The following PLA2G5 variants were observed in gnomAD, a reference collection of about 807,000 sequenced individuals.
PLA2G5 encodes the protein Ca2+-dependent phospholipase A2.
A neutral mutation model predicts 15.9 loss-of-function variants in PLA2G5; 12 were observed. The ratio of observed to expected loss-of-function variants is 0.76; its 90% CI spans 0.48 to 1.23. PLA2G5 has a LOEUF of 1.23. Ranked by LOEUF, PLA2G5 falls within the 50% of genes most tolerant of loss-of-function variation. The pLI is 0.00. For synonymous variants in PLA2G5, 71 were observed against 71.4 expected (o/e 0.99, Z 0.03); for missense variants, 169 against 177.1 (o/e 0.95, Z 0.26).
chr1:20,082,562 G>A (rs1290422203), intron 1 of PLA2G5, among the ~76,000 whole-genome samples: 1 of 151,892 alleles, frequency 6.6e-6, no homozygotes, highest in Non-Finnish European at 1.5e-5. Flanking sequence ...TTTCCCTGGT[G>A]CTGGCTGTGA....
chr1:20,054,539 T>C (rs921810516), intron 1 of PLA2G5, among the ~76,000 whole-genome samples: 1 of 152,180 alleles, frequency 6.6e-6, no homozygotes, highest in African/African-American at 2.4e-5. Flanking sequence ...TATAAAGAGA[T>C]GGAGATCATT....
chr1:20,090,277 C>A (rs1423449370), intron 4 of PLA2G5, among the ~76,000 whole-genome samples: 1 of 152,142 alleles, frequency 6.6e-6, no homozygotes, highest in Non-Finnish European at 1.5e-5. Context: ...AATGAGAGTT[C>A]CTCCAGAGCA....
intron 1 of PLA2G5, chr1:20,077,008 G>A (rs1404988574): frequency 2.6e-5 from 4 of 152,266 alleles, no homozygotes; most frequent in African/African-American, 9.6e-5. Context: ...ACCCTTGGCA[G>A]GGCTTTAGCC....
Position 20,073,913 on chromosome 1 carries a change from T to C in PLA2G5, c.-11+3448T>C, listed in dbSNP as rs2015524561. 2.6e-5 allele frequency among the ~76,000 whole-genome samples: 4 copies of C among 151,556 alleles called. No individual in the cohort carries two copies. The South Asian group carries it at 6.3e-4, about 24-fold the overall frequency. On this transcript the variant is annotated intron_variant, in intron 1 of 4. Transcript: ENST00000375108. ...CATTAGGCCCTCTGCTACCTGCTAA[T>C]AATATAACAAAGAACAAGATGAACA...
At position 20,042,315 on chromosome 1, in the gene PLA2G5, G is replaced by A. The variant is rs567628273; in HGVS notation, n.276+13606G>A. ...CAAGTGTGATCAGGGTGAGGAACAG[G>A]AAAGAAGGAAATATGGGGAAATGGA... On this transcript the variant is annotated intron_variant and non_coding_transcript_variant, in intron 1 of 6. Coordinates refer to the PLA2G5 transcript ENST00000460175. Among the ~76,000 whole-genome samples the A allele has an allele frequency of 1.7e-3, 263 of 152,304 alleles. 2 individuals are homozygous for A. The highest frequency in any genetic ancestry group is 3.0e-3 in the Non-Finnish European group (203 of 68,038).
intron 1 of PLA2G5, among the ~76,000 whole-genome samples, chr1:20,038,219 T>G (rs1231529977): frequency 1.3e-5 from 2 of 152,148 alleles, no homozygotes; most frequent in Non-Finnish European, 1.5e-5. Context: ...TGCCCTTCCC[T>G]GACTGCGGTG....
At chr1:20,052,084 C>G (rs560334760) in intron 1 of PLA2G5, among the ~76,000 whole-genome samples, 7 of 151,216 alleles carry the variant, frequency 4.6e-5, no homozygotes, top group Non-Finnish European at 8.8e-5. Context: ...GCAAATCAGT[C>G]CTACCATGAT....
intron 2 of PLA2G5, among the ~76,000 whole-genome samples, chr1:20,062,045 C>T (rs1320426089): frequency 6.6e-6 from 1 of 152,236 alleles, no homozygotes; most frequent in Non-Finnish European, 1.5e-5. Context: ...GCTTGTTCCT[C>T]TTTTCTCCAT....
chr1:20,033,053 T>C (rs562911096), intron 1 of PLA2G5, among the ~76,000 whole-genome samples: 116 of 152,330 alleles, frequency 7.6e-4, no homozygotes, highest in African/African-American at 2.6e-3. Flanking sequence ...GGATATGGTA[T>C]GCATATTTGG....
At chr1:20,050,914 T>C (rs749707435) in intron 1 of PLA2G5, among the ~76,000 whole-genome samples, 6 of 152,184 alleles carry the variant, frequency 3.9e-5, no homozygotes, top group Non-Finnish European at 8.8e-5. Context: ...TTTTGCTTAT[T>C]TGTATAAAAA....
At chr1:20,085,987 C>A in intron 2 of PLA2G5, 96 bp from the exon 3 acceptor site, 2 of 1,307,358 alleles carry the variant, frequency 1.5e-6, no homozygotes, top group Non-Finnish European at 2.2e-6. Context: ...TCCCTCCAAG[C>A]CCTGGGTGGG....
chr1:20,058,443 C>T (rs1288024319), intron 1 of PLA2G5, among the ~76,000 whole-genome samples: 1 of 152,206 alleles, frequency 6.6e-6, no homozygotes, highest in East Asian at 1.9e-4. Flanking sequence ...AACATAGCTA[C>T]TCCAGCTTTC....
intron 1 of PLA2G5, among the ~76,000 whole-genome samples, chr1:20,038,606 G>T (rs2100318528): frequency 6.6e-6 from 1 of 152,158 alleles, no homozygotes; most frequent in East Asian, 1.9e-4. Context: ...AACATAACAA[G>T]ACCCCATCTC....
Position 20,089,818 on chromosome 1 carries a change from G to T in PLA2G5, c.215G>T (p.Gly72Val). The part of the protein sequence containing the change: ...WCCWAHDHCY[G>V]RLEEKGCNIR... ...TGTTGGGCGCATGACCACTGCTATGGGCGGCTGGAGGAGAAGGGCTGCAAC... is the reference window on the plus strand; with the variant it reads ...TGTTGGGCGCATGACCACTGCTATGTGCGGCTGGAGGAGAAGGGCTGCAAC... The change falls in exon 4 of 5, where the codon GGG becomes GTG. Residue 72 changes from glycine (G) to valine (V), a missense_variant. Transcript: ENST00000375108. 6.2e-7 allele frequency: 1 copy of T among 1,614,166 alleles called. No homozygotes were observed. Among genetic ancestry groups the T allele is most frequent in the Non-Finnish European group, 8.5e-7 (1 of 1,179,996 alleles).
rs1250324764 is a variant in PLA2G5, at chr1:20,091,719, G to A, written c.*1027G>A. On this transcript the variant is annotated 3_prime_UTR_variant, in exon 5 of 5. Transcript: ENST00000375108. ...CCGTCTATCAATTCATAAAAGAAAGGATGTTCTGATACCAAGACTGAAAGA... is the reference window on the plus strand; with the variant it reads ...CCGTCTATCAATTCATAAAAGAAAGAATGTTCTGATACCAAGACTGAAAGA... Among the ~76,000 whole-genome samples the A allele has an allele frequency of 3.3e-5, 5 of 151,876 alleles. No homozygotes were observed. Among genetic ancestry groups the A allele is most frequent in the African/African-American group, 1.2e-4 (5 of 41,330 alleles).
intron 1 of PLA2G5, among the ~76,000 whole-genome samples, chr1:20,083,421 G>A (rs895091533): frequency 1.6e-4 from 25 of 151,948 alleles, no homozygotes; most frequent in African/African-American, 4.8e-4. Flanking sequence ...ACAAGCGACC[G>A]TTCAACTCAG....
At chr1:20,054,078 G>A (rs1220681912) in intron 1 of PLA2G5, among the ~76,000 whole-genome samples, 1 of 148,640 alleles carries the variant, frequency 6.7e-6, no homozygotes, top group Non-Finnish European at 1.5e-5. Context: ...CCTCCACTTG[G>A]TCCTCCTCCA....
chr1:20,072,353 G>A (rs2015422727), intron 1 of PLA2G5, among the ~76,000 whole-genome samples: 1 of 152,172 alleles, frequency 6.6e-6, no homozygotes, highest in African/African-American at 2.4e-5. Flanking sequence ...CCAGTGTCTA[G>A]AACAGTGCCT....
intron 2 of PLA2G5, among the ~76,000 whole-genome samples, chr1:20,063,863 C>T (rs987920168): frequency 6.6e-6 from 1 of 152,194 alleles, no homozygotes; most frequent in African/African-American, 2.4e-5. Context: ...CTGTCCAGTG[C>T]AACCACCTTC....
Sources: gnomAD v4.1 joint callset for allele counts (sites outside exome capture counted in the v4.1 genomes callset) on GRCh38, gnomAD v4.1.1 for gene constraint, MANE v1.5 for transcripts, NCBI Gene and HGNC (gene_info 2026-07-23, HGNC 2026-07-21) for gene names.